Variants in MTSS2 observed in about 807,000 individuals in gnomAD.
MTSS2 encodes the protein MTSS I-BAR domain containing 2.
Under a neutral mutation model 67.1 loss-of-function variants are expected in MTSS2, and 27 were observed. The observed-to-expected ratio is 0.40, with a 90% CI of 0.30 to 0.55. The LOEUF is 0.55. Ranked by LOEUF, MTSS2 falls within the 20% of genes least tolerant of loss-of-function variation. The probability of loss-of-function intolerance (pLI) is 0.43; values close to 1 mark genes in which losing one functional copy is unlikely to be tolerated. For missense variants in MTSS2, 1,171 were observed against 1,067.8 expected (o/e 1.10, Z -1.35); for synonymous variants, 624 against 468.6 (o/e 1.33, Z -4.28).
Position 70,678,502 on chromosome 16 carries a change from G to T in MTSS2, c.467-93C>A, listed in dbSNP as rs527935597. On this transcript the variant is annotated intron_variant, in intron 7 of 14. Transcript: ENST00000338779. Reference sequence around the variant, plus strand: ...TCAGACCCTGGTGGTGGCATCTCTCGGCCGTTGGGCTGGGTGTTGCCCTGG... The same window carrying T: ...TCAGACCCTGGTGGTGGCATCTCTCTGCCGTTGGGCTGGGTGTTGCCCTGG... 8.3e-6 allele frequency: 12 copies of T among 1,448,226 alleles called. No individual in the cohort carries two copies. The Admixed American group carries it at 2.2e-4, about 26-fold the overall frequency. 89.7% of individuals were successfully genotyped at this position (1,448,226 alleles called of 1,614,324 possible).
chr16:70,674,401 G>A lies in MTSS2; in HGVS notation c.958C>T (p.Leu320Phe). ...GAGTCATGGGAGGAAACGCTGGAGA[G>A]GCGAGCGGTGGTGGTGGCTGGCTGC... Reference protein sequence around the residue: ...LAQPATTTARLSSVSSHDSGF... With the variant: ...LAQPATTTARFSSVSSHDSGF... The change falls in exon 11 of 15, where the codon CTC becomes TTC. Residue 320 changes from leucine to phenylalanine, a missense_variant. By Grantham distance (22) the Leu-to-Phe change is conservative. Transcript: ENST00000338779. 3 of 1,614,220 alleles carry A rather than the reference G, an allele frequency of 1.9e-6. No individual in the cohort carries two copies.
chr16:70,668,198 A>C (rs2052793369), intron 11 of MTSS2, among the ~76,000 whole-genome samples: 1 of 152,086 alleles, frequency 6.6e-6, no homozygotes, highest in Non-Finnish European at 1.5e-5. Flanking sequence ...GGATTGCTTG[A>C]GAGTAGGAGT....
chr16:70,664,286 CGCGGTGGGCAGCCCA>C lies in MTSS2; in HGVS notation c.1620_1634del (p.Gly546_Ala550del). 1 of 1,562,346 alleles carries C rather than the reference CGCGGTGGGCAGCCCA, an allele frequency of 6.4e-7. No homozygotes were observed. The highest frequency in any genetic ancestry group is 8.6e-7 in the Non-Finnish European group (1 of 1,161,202). On this transcript the variant is annotated inframe_deletion, in exon 15 of 15. Coordinates refer to ENST00000338779, the MANE Select transcript of MTSS2 (RefSeq NM_138383.3). ...GCAGGCCAGTGGCCGTGGGCAGCCC[CGCGGTGGGCAGCCCA>C]GCAGTGGAGGCTGGGCGCTTGGTCT...
At chr16:70,682,155 C>A (rs968140205) in intron 1 of MTSS2, among the ~76,000 whole-genome samples, 2 of 152,148 alleles carry the variant, frequency 1.3e-5, no homozygotes, top group Non-Finnish European at 2.9e-5. Context: ...CTCAGAATCT[C>A]CCTCCCCTCC....
At chr16:70,685,655 G>A in intron 1 of MTSS2, 68 bp downstream of exon 1, 1 of 998,974 alleles carries the variant, frequency 1.0e-6, no homozygotes, top group Non-Finnish European at 1.2e-6. Context: ...TCGGCCACCC[G>A]CCGCCACGCG....
chr16:70,684,172 T>G (rs1456664895), intron 1 of MTSS2, among the ~76,000 whole-genome samples: 1 of 151,782 alleles, frequency 6.6e-6, no homozygotes, highest in African/African-American at 2.4e-5. Context: ...TGGTGGGTGG[T>G]GGGGTGCGGG....
intron 1 of MTSS2, among the ~76,000 whole-genome samples, chr16:70,682,898 C>A (rs138663165): frequency 1.1e-4 from 17 of 151,466 alleles, no homozygotes; most frequent in African/African-American, 4.2e-4. Context: ...CATTTGCCCA[C>A]GGCCACAGGG....
chr16:70,663,016 C>A lies in MTSS2; in HGVS notation c.*661G>T, dbSNP rs548587165. ...GCGAGGGGTGGGAGCCACCACAGGG[C>A]CCCCAAGACCCCCCCCCCCAAGCAG... On this transcript the variant is annotated 3_prime_UTR_variant, in exon 15 of 15. Transcript: ENST00000338779. The A allele has an allele frequency of 2.1e-5, 3 of 140,702 alleles. No homozygotes were observed. The highest frequency in any genetic ancestry group is 7.2e-5 in the Admixed American group (1 of 13,974). The allele number at this position is 140,702 out of a possible 1,614,324, so 8.7% of individuals were successfully genotyped here. A position where few individuals can be genotyped will look rare whatever the true frequency, so the allele number is the denominator to read the frequency against.
In MTSS2 at chr16:70,681,031, G is replaced by A. The variant is rs201351382; in HGVS notation, c.70-6C>T. The A allele has an allele frequency of 1.5e-5, 24 of 1,607,414 alleles. No homozygotes were observed. The highest frequency in any genetic ancestry group is 5.1e-5 in the Admixed American group (3 of 59,084). On this transcript the variant is annotated splice_region_variant and splice_polypyrimidine_tract_variant and intron_variant, in intron 1 of 14. Transcript: ENST00000338779. Reference sequence around the variant, plus strand: ...TCCCAGATAGGGTAGGAGCTCTGCCGGGCAAATGGGAGAGAAAGTGAGCTT... The same window carrying A: ...TCCCAGATAGGGTAGGAGCTCTGCCAGGCAAATGGGAGAGAAAGTGAGCTT...
chr16:70,667,256 G>C (rs558940750), intron 11 of MTSS2, among the ~76,000 whole-genome samples: 1 of 123,104 alleles, frequency 8.1e-6, no homozygotes, highest in Non-Finnish European at 1.6e-5. Context: ...TCCAGTGTGC[G>C]TGACAGAGCA....
At chr16:70,676,193 C>T (rs901666363) in intron 10 of MTSS2, among the ~76,000 whole-genome samples, 4 of 152,254 alleles carry the variant, frequency 2.6e-5, no homozygotes, top group Non-Finnish European at 5.9e-5. Flanking sequence ...CCCAAGGAAG[C>T]TTGAACCATC....
Position 70,665,062 on chromosome 16 carries a change from G to A in MTSS2, c.1163C>T (p.Ser388Leu). Residue 388 changes from serine (S) to leucine (L), a missense_variant, in exon 13 of 15, where the codon TCA becomes TTA. Coordinates refer to ENST00000338779, the MANE Select transcript of MTSS2 (RefSeq NM_138383.3). The part of the protein sequence containing the change: ...WSKVGSHEQP[S>L]GATLQRRKDR... ...CTTCCTCCGCTGCAGAGTGGCGCCT[G>A]AGGGCTGCTCATGGGAGCCGACCTT... 2 of 1,598,006 alleles carry A rather than the reference G, an allele frequency of 1.3e-6. No individual in the cohort carries two copies. The highest frequency in any genetic ancestry group is 1.7e-6 in the Non-Finnish European group (2 of 1,179,762).
chr16:70,679,751 G>C (rs76602679), intron 5 of MTSS2, 35 bp downstream of exon 5: 144,092 of 1,608,796 alleles, frequency 0.09, 9,501 homozygotes, highest in East Asian at 0.32. Flanking sequence ...CCTGCGGAGT[G>C]GGGGGTGGGA....
rs1243736833 is a variant in MTSS2, at chr16:70,664,224, C to T, written c.1697G>A (p.Arg566His). Residue 566 changes from arginine (R) to histidine (H), a missense_variant, in exon 15 of 15, where the codon CGC (arginine) becomes CAC (histidine). By Grantham distance (29) the Arg-to-His change is conservative. Coordinates refer to ENST00000338779, the MANE Select transcript of MTSS2 (RefSeq NM_138383.3). The stretch of plus-strand genomic sequence containing the variant: ...CACGGTGGGCTTGGTGGAGGGTGTG[C>T]GGCGGATGGTGGCCACGCCGGGGGG... ...GAPPGVATIR[R>H]TPSTKPTVRR... The T allele has an allele frequency of 2.5e-6, 4 of 1,578,040 alleles. No individual in the cohort carries two copies. Among genetic ancestry groups the T allele is most frequent in the African/African-American group, 1.3e-5 (1 of 74,292 alleles).
rs1314050999 is a variant in MTSS2 at position 70,664,009 on chromosome 16, G to A, written c.1912C>T (p.Leu638Phe). The change falls in exon 15 of 15, where the codon CTC (leucine) becomes TTC (phenylalanine). Residue 638 changes from leucine to phenylalanine, a missense_variant. Leu to Phe is a conservative substitution (Grantham distance 22, BLOSUM62 0). Transcript: ENST00000338779. Reference protein sequence around the residue: ...PDLAKASPKRLSLPNTAWGSP... With the variant: ...PDLAKASPKRFSLPNTAWGSP... ...CCCCAGGCTGTGTTGGGCAGGCTGAGCCTCTTTGGGGAGGCCTTGGCGAGG... is the reference window on the plus strand; with the variant it reads ...CCCCAGGCTGTGTTGGGCAGGCTGAACCTCTTTGGGGAGGCCTTGGCGAGG... 4.4e-6 allele frequency: 7 copies of A among 1,602,050 alleles called. No homozygotes were observed. The highest frequency in any genetic ancestry group is 2.2e-5 in the East Asian group (1 of 44,516).
chr16:70,664,575 C>T, intron 14 of MTSS2, 23 bp downstream of exon 14: 4 of 1,607,512 alleles, frequency 2.5e-6, no homozygotes, highest in Non-Finnish European at 3.4e-6. Flanking sequence ...GTCCCTGGTC[C>T]CACCCCAGCC....
intron 11 of MTSS2, among the ~76,000 whole-genome samples, chr16:70,669,833 G>A (rs527673779): frequency 1.3e-4 from 19 of 149,428 alleles, no homozygotes; most frequent in Non-Finnish European, 2.4e-4. Flanking sequence ...AAAAAAGTAT[G>A]AAAAGGTGTT....
chr16:70,674,567 G>A (rs551572143), intron 10 of MTSS2, 39 bp from the exon 11 acceptor site: 121 of 1,570,590 alleles, frequency 7.7e-5, no homozygotes, highest in Non-Finnish European at 9.9e-5. Flanking sequence ...AGCCAGACAG[G>A]GAGACAGAGG....
chr16:70,685,738 T>C lies in MTSS2; in HGVS notation c.54A>G (p.Ile18Met). The C allele has an allele frequency of 2.2e-6, 3 of 1,386,384 alleles. No individual in the cohort carries two copies. Among genetic ancestry groups the C allele is most frequent in the Non-Finnish European group, 2.9e-6 (3 of 1,049,612 alleles). 85.9% of individuals were successfully genotyped at this position (1,386,384 alleles called of 1,614,324 possible). ...CCCCGGTTACCTTCATGTCGTTGAC[T>C]ATGGCCTGGAAGAGCCCGCCCAGGG... ...CGALGGLFQA[I>M]VNDMKSSYPI... Residue 18 changes from isoleucine to methionine, a missense_variant, in exon 1 of 15, where the codon ATA becomes ATG. Physicochemically the swap from Ile to Met is conservative, Grantham distance 10. This residue lies in a region of MTSS2 where 247 missense variants were observed against 311.8 expected (regional missense o/e 0.79). Coordinates refer to ENST00000338779, the MANE Select transcript of MTSS2 (RefSeq NM_138383.3).
Sources: allele counts gnomAD v4.1 joint callset (sites outside exome capture counted in the v4.1 genomes callset), GRCh38; gene constraint gnomAD v4.1.1; regional missense constraint gnomAD v4.1.1; transcripts MANE v1.5; gene names NCBI Gene and HGNC (gene_info 2026-07-23, HGNC 2026-07-21).